The following MED24 variants were observed in gnomAD, a reference collection of about 807,000 sequenced individuals.
MED24 encodes the protein mediator of RNA polymerase II transcription subunit 24.
Under a neutral mutation model 118.8 loss-of-function variants are expected in MED24, and 74 were observed. That is an observed-to-expected ratio of 0.62 (90% CI 0.52 to 0.76). MED24 has a LOEUF of 0.76. MED24 is among the 30% of genes least tolerant of loss of function. MED24 has a pLI of 0.00. For synonymous variants in MED24, 521 were observed against 523.9 expected, an observed-to-expected ratio of 0.99 and a Z score of 0.08; for missense variants, 1,041 against 1,278.9, an observed-to-expected ratio of 0.81 and a Z score of 2.84.
At chr17:40,038,909 G>A (rs1358475006) in intron 3 of MED24, among the ~76,000 whole-genome samples, 1 of 152,180 alleles carries the variant, frequency 6.6e-6, no homozygotes, top group East Asian at 1.9e-4. Context: ...CATACTGTGA[G>A]GCCAGGGCTA....
intron 11 of MED24, 139 bp downstream of exon 11, chr17:40,031,399 C>T: frequency 8.3e-7 from 1 of 1,205,216 alleles, no homozygotes. Flanking sequence ...GACTTGGCAA[C>T]TGTGGGCTCC....
chr17:40,022,291 G>A (rs1598331390), intron 22 of MED24, 103 bp downstream of exon 22: 1 of 1,247,534 alleles, frequency 8.0e-7, no homozygotes, highest in African/African-American at 1.5e-5. Flanking sequence ...GCTGCCCCAA[G>A]GGCAGGGGCC....
At chr17:40,049,232 A>G (rs1022205472) in intron 3 of MED24, among the ~76,000 whole-genome samples, 1 of 152,178 alleles carries the variant, frequency 6.6e-6, no homozygotes, top group Non-Finnish European at 1.5e-5. Flanking sequence ...GGGTCCTGAG[A>G]GCAAACTCCT....
chr17:40,036,686 CAAA>C (rs68118020), intron 3 of MED24, among the ~76,000 whole-genome samples: 2 of 91,378 alleles, frequency 2.2e-5, no homozygotes, highest in African/African-American at 8.7e-5. Flanking sequence ...GACTCTGTCT[CAAA>C]AAAAAAAAAA....
At chr17:40,028,113 T>TG in intron 14 of MED24, 167 bp from the exon 15 acceptor site, 1 of 726,624 alleles carries the variant, frequency 1.4e-6, no homozygotes, top group Non-Finnish European at 2.3e-6. Flanking sequence ...TTTTGTTTTT[T>TG]GTTTTTTTTT....
intron 3 of MED24, among the ~76,000 whole-genome samples, chr17:40,043,896 A>AAAAAAAAAAAAAAAAAAAAAAAAAC (rs1222947753): frequency 6.6e-6 from 1 of 150,792 alleles, no homozygotes; most frequent in Non-Finnish European, 1.5e-5. Flanking sequence ...ATCTCAAAAA[A>AAAAAAAAAAAAAAAAAAAAAAAAAC]AAAAAAAACA....
At chr17:40,053,420 C>T (rs1986050031) in intron 2 of MED24, 40 bp from the exon 3 acceptor site, 1 of 1,613,546 alleles carries the variant, frequency 6.2e-7, no homozygotes. Flanking sequence ...GTGATTACAA[C>T]TTCTCTGGGT....
Position 40,033,558 on chromosome 17 carries a change from C to G in MED24, c.560-102G>C, listed in dbSNP as rs2144914108. 1 of 923,266 alleles carries G rather than the reference C, an allele frequency of 1.1e-6. No individual in the cohort carries two copies. The highest frequency in any genetic ancestry group is 2.6e-5 in the East Asian group (1 of 38,130). The allele number at this position is 923,266 out of a possible 1,614,324, so 57.2% of individuals were successfully genotyped here. A position where few individuals can be genotyped will look rare whatever the true frequency, so the allele number is the denominator to read the frequency against. ...TTGGCACTCCCTCCGGCACACGAAA[C>G]CACACAGGAAGGCTTCCCCTGAGGA... On this transcript the variant is annotated intron_variant, in intron 6 of 25. Coordinates refer to ENST00000394128, the MANE Select transcript of MED24 (RefSeq NM_014815.4). This position sits in a 1 kb window ranked among gnomAD's most constrained non-coding sequence, Gnocchi z 5.2.
chr17:40,033,546 C>T lies in MED24; in HGVS notation c.560-90G>A, dbSNP rs772029679. Reference sequence around the variant, plus strand: ...AACTCCTCGATTTTGGCACTCCCTCCGGCACACGAAACCACACAGGAAGGC... The same window carrying T: ...AACTCCTCGATTTTGGCACTCCCTCTGGCACACGAAACCACACAGGAAGGC... On this transcript the variant is annotated intron_variant, in intron 6 of 25. Coordinates refer to ENST00000394128, the MANE Select transcript of MED24 (RefSeq NM_014815.4). The surrounding 1 kb of genome is among the most constrained non-coding windows in gnomAD (Gnocchi z 5.2). The T allele has an allele frequency of 2.4e-5, 25 of 1,035,382 alleles. No homozygotes were observed. The highest frequency in any genetic ancestry group is 7.9e-5 in the African/African-American group (5 of 63,010). The allele number at this position is 1,035,382 out of a possible 1,614,324, so 64.1% of individuals were successfully genotyped here. A position where few individuals can be genotyped will look rare whatever the true frequency, so the allele number is the denominator to read the frequency against.
intron 3 of MED24, among the ~76,000 whole-genome samples, chr17:40,040,416 G>A (rs1376955228): frequency 4.0e-5 from 6 of 151,770 alleles, no homozygotes; most frequent in Non-Finnish European, 5.9e-5. Flanking sequence ...GGGTTTTGCC[G>A]TGTTGTCAAG....
At chr17:40,037,880 C>T (rs1984127930) in intron 3 of MED24, among the ~76,000 whole-genome samples, 1 of 148,816 alleles carries the variant, frequency 6.7e-6, no homozygotes, top group South Asian at 2.1e-4. Context: ...CACTGCACTC[C>T]AGTGTGGGCG....
intron 3 of MED24, among the ~76,000 whole-genome samples, chr17:40,050,906 G>A (rs1161208918): frequency 6.6e-6 from 1 of 152,160 alleles, no homozygotes; most frequent in African/African-American, 2.4e-5. Flanking sequence ...GGAGGCCAAG[G>A]CAGGCGAATT....
At chr17:40,032,158 C>T (rs1468411666) in intron 9 of MED24, 68 bp from the exon 10 acceptor site, 1 of 1,559,968 alleles carries the variant, frequency 6.4e-7, no homozygotes, top group Middle Eastern at 1.7e-4. Context: ...CCCCTGAAGG[C>T]ATCCCCCCGA....
intron 16 of MED24, 42 bp from the exon 17 acceptor site, chr17:40,027,076 G>A (rs1189137221): frequency 1.2e-6 from 2 of 1,603,702 alleles, no homozygotes; most frequent in Non-Finnish European, 1.7e-6. Flanking sequence ...TGGGGAGGGC[G>A]CGGCGCCTGC....
intron 6 of MED24, among the ~76,000 whole-genome samples, chr17:40,034,571 G>C (rs1428925328): frequency 1.3e-5 from 2 of 152,164 alleles, no homozygotes; most frequent in African/African-American, 2.4e-5. Context: ...TCAGGCTCTG[G>C]AAAGTACCCA....
chr17:40,050,984 A>G (rs1304431427), intron 3 of MED24, among the ~76,000 whole-genome samples: 2 of 152,096 alleles, frequency 1.3e-5, no homozygotes, highest in African/African-American at 4.8e-5. Flanking sequence ...TAAAAATACA[A>G]AATTAGCCGG....
chr17:40,026,418 T>G, intron 18 of MED24, 87 bp from the exon 19 acceptor site: 1 of 1,509,586 alleles, frequency 6.6e-7, no homozygotes, highest in Non-Finnish European at 9.0e-7. Context: ...GGCAGCTAAG[T>G]GCAGCGGGTG....
At chr17:40,020,947 C>T (rs1395652233) in intron 23 of MED24, among the ~76,000 whole-genome samples, 3 of 152,146 alleles carry the variant, frequency 2.0e-5, no homozygotes, top group South Asian at 2.1e-4. Flanking sequence ...GTGGCAGGCG[C>T]CTGTAGTCCC....
At chr17:40,038,528 T>C (rs953685302) in intron 3 of MED24, among the ~76,000 whole-genome samples, 2 of 151,900 alleles carry the variant, frequency 1.3e-5, no homozygotes, top group Admixed American at 6.6e-5. Flanking sequence ...CTGGCCAACA[T>C]GGTGAAACCC....
Sources: gnomAD v4.1 joint callset for allele counts (sites outside exome capture counted in the v4.1 genomes callset) on GRCh38, gnomAD v4.1.1 for gene constraint, Gnocchi (gnomAD v3.1) non-coding constraint, MANE v1.5 for transcripts, NCBI Gene and HGNC (gene_info 2026-07-23, HGNC 2026-07-21) for gene names.